CHODL: variants seen among roughly 807,000 people sequenced by gnomAD.
CHODL encodes the protein transmembrane protein MT75.
In CHODL, 29 loss-of-function variants were observed where a neutral mutation model predicts 34.5. The observed-to-expected ratio is 0.84, with a 90% CI of 0.63 to 1.15. The LOEUF (loss-of-function observed/expected upper bound fraction) is 1.15, where lower values mean the gene tolerates loss of function less well. Among genes scored for constraint, CHODL ranks in the 50% most tolerant of loss-of-function variants. The probability of loss-of-function intolerance (pLI) is 0.00; values close to 1 mark genes in which losing one functional copy is unlikely to be tolerated. For synonymous variants in CHODL, 125 were observed against 116.1 expected (o/e 1.08, Z -0.49); for missense variants, 332 against 332.5 (o/e 1.00, Z 0.01).
At chr21:17,943,261 G>C (rs554803986) in intron 1 of CHODL, among the ~76,000 whole-genome samples, 69 of 152,220 alleles carry the variant, frequency 4.5e-4, no homozygotes, top group Non-Finnish European at 1.0e-4. Flanking sequence ...GAATAATTTA[G>C]GTTTTCCTAG....
chr21:18,182,276 TG>T (rs936455749), intron 2 of CHODL, among the ~76,000 whole-genome samples: 1 of 152,190 alleles, frequency 6.6e-6, no homozygotes, highest in African/African-American at 2.4e-5. Flanking sequence ...CAATTTAAGA[TG>T]ATCATCCATG....
chr21:18,164,809 C>T (rs1458896921), intron 2 of CHODL, among the ~76,000 whole-genome samples: 1 of 152,138 alleles, frequency 6.6e-6, no homozygotes, highest in Non-Finnish European at 1.5e-5. Flanking sequence ...ACCCCAAACC[C>T]AGAACATGTG....
At chr21:18,240,078 C>A (rs1167487913), upstream of CHODL, among the ~76,000 whole-genome samples, 1 of 151,746 alleles carries the variant, frequency 6.6e-6, no homozygotes, top group African/African-American at 2.4e-5. Context: ...GAGTATGAAG[C>A]CCTATTTTTA....
At chr21:18,207,799 C>A (rs2073729831) in intron 2 of CHODL, among the ~76,000 whole-genome samples, 1 of 151,458 alleles carries the variant, frequency 6.6e-6, no homozygotes, top group Non-Finnish European at 1.5e-5. Flanking sequence ...CTCTCCTGGC[C>A]TGTAAGGAAA....
chr21:18,173,350 G>A (rs529569595), intron 2 of CHODL, among the ~76,000 whole-genome samples: 8 of 152,102 alleles, frequency 5.3e-5, no homozygotes, highest in South Asian at 2.1e-4. Context: ...CCAAGGTCAC[G>A]GGCCATTGAG....
intron 2 of CHODL, among the ~76,000 whole-genome samples, chr21:18,032,659 C>T (rs878962025): frequency 1.3e-5 from 2 of 152,086 alleles, no homozygotes; most frequent in Admixed American, 6.6e-5. Context: ...ACCCTAACAT[C>T]TGGTGTGCAA....
At chr21:18,032,987 A>G (rs912100745) in intron 2 of CHODL, among the ~76,000 whole-genome samples, 1 of 152,104 alleles carries the variant, frequency 6.6e-6, no homozygotes, top group South Asian at 2.1e-4. Context: ...ATAAGCTTAC[A>G]TCATGGAAGG....
intron 2 of CHODL, among the ~76,000 whole-genome samples, chr21:18,211,591 A>G (rs562602440): frequency 1.3e-5 from 2 of 152,362 alleles, no homozygotes; most frequent in South Asian, 4.1e-4. Context: ...TGGATTGATA[A>G]GTCACTGCTT....
chr21:18,051,933 G>T (rs2064521081), intron 2 of CHODL, among the ~76,000 whole-genome samples: 1 of 151,846 alleles, frequency 6.6e-6, no homozygotes, highest in Admixed American at 6.6e-5. Flanking sequence ...AATAAATTGT[G>T]CACATGAAAA....
At chr21:18,061,783 A>G (rs2064669907) in intron 2 of CHODL, among the ~76,000 whole-genome samples, 1 of 152,214 alleles carries the variant, frequency 6.6e-6, no homozygotes, top group South Asian at 2.1e-4. Flanking sequence ...TGAGAGATCG[A>G]GATTTTGAAT....
chr21:17,958,353 C>T (rs1274249933), intron 1 of CHODL, among the ~76,000 whole-genome samples: 1 of 152,106 alleles, frequency 6.6e-6, no homozygotes, highest in Non-Finnish European at 1.5e-5. Context: ...AAGACAAACA[C>T]TGGGCACAGT....
At chr21:18,119,082 T>C (rs2065448008) in intron 2 of CHODL, among the ~76,000 whole-genome samples, 1 of 152,118 alleles carries the variant, frequency 6.6e-6, no homozygotes, top group Admixed American at 6.6e-5. Context: ...TTTAGTGAGG[T>C]GTAATTTGCA....
chr21:17,961,740 T>C (rs964819014), intron 1 of CHODL, among the ~76,000 whole-genome samples: 1 of 152,178 alleles, frequency 6.6e-6, no homozygotes. Flanking sequence ...TGGGATTAAA[T>C]TGCTAATATG....
chr21:18,096,044 C>A (rs549288866), intron 2 of CHODL, among the ~76,000 whole-genome samples: 306 of 152,246 alleles, frequency 2.0e-3, no homozygotes, highest in African/African-American at 7.0e-3. Context: ...GTGAAGATTT[C>A]ATGGACATTA....
At chr21:18,225,726 A>C (rs1341618985) in intron 2 of CHODL, among the ~76,000 whole-genome samples, 1 of 152,136 alleles carries the variant, frequency 6.6e-6, no homozygotes, top group Admixed American at 6.6e-5. Flanking sequence ...AAAAGAAAAC[A>C]TAAGAGAGTA....
chr21:18,030,082 T>TAA (rs908219686), intron 2 of CHODL, among the ~76,000 whole-genome samples: 16 of 152,154 alleles, frequency 1.1e-4, no homozygotes, highest in African/African-American at 3.9e-4. Context: ...TGCCCTCGAG[T>TAA]AATCTTCTCT....
chr21:18,145,368 C>T (rs914635215), intron 2 of CHODL, among the ~76,000 whole-genome samples: 2 of 129,734 alleles, frequency 1.5e-5, no homozygotes, highest in Non-Finnish European at 3.1e-5. Flanking sequence ...ACCCGGGAGG[C>T]GGAGCTGGCA....
At chr21:17,997,778 C>T (rs9976776) in intron 1 of CHODL, among the ~76,000 whole-genome samples, 36,832 of 152,014 alleles carry the variant, frequency 0.24, 5,057 homozygotes, top group Non-Finnish European at 0.31. Flanking sequence ...AGACCAGCCT[C>T]CATGATTCAA....
chr21:18,137,033 A>G (rs1415605674), intron 2 of CHODL, among the ~76,000 whole-genome samples: 1 of 152,066 alleles, frequency 6.6e-6, no homozygotes, highest in Non-Finnish European at 1.5e-5. Flanking sequence ...CCTAACTATT[A>G]CTAAAGGTGA....
Sources: gnomAD v4.1 joint callset for allele counts (sites outside exome capture counted in the v4.1 genomes callset) on GRCh38, gnomAD v4.1.1 for gene constraint, MANE v1.5 for transcripts, NCBI Gene and HGNC (gene_info 2026-07-23, HGNC 2026-07-21) for gene names.